SNX31: variants seen among roughly 807,000 people sequenced by gnomAD.
SNX31 encodes the protein sorting nexin-31.
A neutral mutation model predicts 65.4 loss-of-function variants in SNX31; 58 were observed. The ratio of observed to expected loss-of-function variants is 0.89; its 90% CI spans 0.72 to 1.10. SNX31 has a LOEUF of 1.10. Among genes scored for constraint, SNX31 ranks in the 50% least tolerant of loss-of-function variants. The pLI is 0.00. For synonymous variants in SNX31, 181 were observed against 190.1 expected (o/e 0.95, Z 0.39); for missense variants, 523 against 529.7 (o/e 0.99, Z 0.12).
intron 1 of SNX31, among the ~76,000 whole-genome samples, chr8:100,658,215 G>A (rs1820082783): frequency 6.6e-6 from 1 of 152,198 alleles, no homozygotes. Flanking sequence ...CAGCTCTGAA[G>A]ATTCTAAAGG....
intron 8 of SNX31, among the ~76,000 whole-genome samples, chr8:100,602,123 G>C (rs1180898882): frequency 1.3e-5 from 2 of 152,210 alleles, no homozygotes; most frequent in East Asian, 3.8e-4. Flanking sequence ...GTCTCAGTGT[G>C]CCTTGCCCAG....
intron 1 of SNX31, among the ~76,000 whole-genome samples, chr8:100,656,053 C>A (rs1227252572): frequency 6.6e-6 from 1 of 152,126 alleles, no homozygotes; most frequent in Non-Finnish European, 1.5e-5. Context: ...TCACAAAGTG[C>A]TTTAGTGTAT....
intron 2 of SNX31, among the ~76,000 whole-genome samples, chr8:100,641,276 C>T (rs1236747543): frequency 4.6e-5 from 7 of 151,744 alleles, no homozygotes; most frequent in African/African-American, 1.7e-4. Flanking sequence ...GTGGCTCACG[C>T]CTGTCATCTC....
chr8:100,658,021 A>T (rs1322438146), intron 1 of SNX31, among the ~76,000 whole-genome samples: 1 of 152,212 alleles, frequency 6.6e-6, no homozygotes, highest in East Asian at 1.9e-4. Context: ...AGTTCAGCCC[A>T]GCCTGGACTG....
chr8:100,608,687 C>T (rs1278274389), intron 7 of SNX31, 124 bp from the exon 8 acceptor site: 12 of 786,066 alleles, frequency 1.5e-5, no homozygotes, highest in Non-Finnish European at 2.6e-5. Context: ...AACAAAGCCA[C>T]ACCTCCACTT....
intron 8 of SNX31, 146 bp downstream of exon 8, chr8:100,608,348 A>T: frequency 1.5e-6 from 1 of 680,004 alleles, no homozygotes; most frequent in Non-Finnish European, 2.5e-6. Context: ...AGCCCCTGGT[A>T]ATCTCTGTTC....
chr8:100,577,213 CT>C, intron 12 of SNX31, 138 bp from the exon 13 acceptor site: 9 of 678,356 alleles, frequency 1.3e-5, no homozygotes, highest in Admixed American at 2.6e-5. Context: ...GGTACACCTG[CT>C]TGTCATCTGT....
intron 1 of SNX31, among the ~76,000 whole-genome samples, chr8:100,661,485 G>A (rs1050638948): frequency 9.9e-5 from 15 of 152,110 alleles, no homozygotes; most frequent in African/African-American, 4.8e-5. Flanking sequence ...TTCAGGTAGC[G>A]AACACCTGAG....
intron 4 of SNX31, 26 bp from the exon 5 acceptor site, chr8:100,617,756 A>G (rs1817345282): frequency 1.3e-6 from 2 of 1,559,844 alleles, no homozygotes; most frequent in African/African-American, 1.4e-5. Flanking sequence ...AAGCAAAATA[A>G]ATTTCCACAC....
At chr8:100,591,223 G>C (rs868760669) in intron 10 of SNX31, among the ~76,000 whole-genome samples, 52 of 152,196 alleles carry the variant, frequency 3.4e-4, no homozygotes, top group Non-Finnish European at 1.3e-4. Flanking sequence ...GATGGAAAGA[G>C]TTCATGTTCC....
chr8:100,586,621 C>A (rs1406694102), intron 11 of SNX31, among the ~76,000 whole-genome samples: 1 of 152,206 alleles, frequency 6.6e-6, no homozygotes, highest in Admixed American at 6.5e-5. Context: ...CTTAGCAAAC[C>A]AGTCTACTAT....
rs995938892 is a variant in SNX31, at chr8:100,573,811, C to T, written c.*54G>A. On this transcript the variant is annotated 3_prime_UTR_variant, in exon 14 of 14. Coordinates refer to ENST00000311812, the MANE Select transcript of SNX31 (RefSeq NM_152628.4). ...GGTAGCCCACCTGAATCCCCAAGTTCTTTCACTGTCTTGAGATAGCCTCCA... is the reference window on the plus strand; with the variant it reads ...GGTAGCCCACCTGAATCCCCAAGTTTTTTCACTGTCTTGAGATAGCCTCCA... The T allele has an allele frequency of 7.8e-7, 1 of 1,280,920 alleles. No individual in the cohort carries two copies. The highest frequency in any genetic ancestry group is 1.1e-6 in the Non-Finnish European group (1 of 924,386). The allele number at this position is 1,280,920 out of a possible 1,614,324, so 79.3% of individuals were successfully genotyped here. A position where few individuals can be genotyped will look rare whatever the true frequency, so the allele number is the denominator to read the frequency against.
At chr8:100,589,655 G>A (rs1373183448) in intron 10 of SNX31, among the ~76,000 whole-genome samples, 4 of 152,218 alleles carry the variant, frequency 2.6e-5, no homozygotes, top group Non-Finnish European at 5.9e-5. Context: ...CCTGAGGCAT[G>A]TTGGAGACAC....
intron 4 of SNX31, chr8:100,618,227 A>G: frequency 7.0e-7 from 1 of 1,437,494 alleles, no homozygotes; most frequent in Non-Finnish European, 9.3e-7. Context: ...GCAAAGGAGT[A>G]ACATGAAGCT....
In SNX31 at chr8:100,578,609, G is replaced by A. The variant is rs1307373694; in HGVS notation, c.1171-1534C>T. Among the ~76,000 whole-genome samples the A allele has an allele frequency of 6.6e-6, 1 of 152,090 alleles. No homozygotes were observed. Among genetic ancestry groups the A allele is most frequent in the Non-Finnish European group, 1.5e-5 (1 of 68,014 alleles). ...TTGTTGTAAAATCAATTGCTTTAAG[G>A]AGGTATGCATAAGACTTCCTTTAGG... On this transcript the variant is annotated intron_variant, in intron 12 of 13. Transcript: ENST00000311812. The surrounding 1 kb of genome is among the most constrained non-coding windows in gnomAD (Gnocchi z 4.7).
chr8:100,579,422 A>T (rs1813310539), intron 12 of SNX31, among the ~76,000 whole-genome samples: 1 of 152,182 alleles, frequency 6.6e-6, no homozygotes, highest in Admixed American at 6.5e-5. Flanking sequence ...TTCTGTTAAT[A>T]ACATAATCAC....
At chr8:100,628,848 GTA>G (rs1818235211) in intron 4 of SNX31, among the ~76,000 whole-genome samples, 1 of 145,012 alleles carries the variant, frequency 6.9e-6, no homozygotes, top group South Asian at 2.2e-4. Context: ...GTGTGTGTGT[GTA>G]GTCATGTACC....
At chr8:100,637,917 A>T (rs1210748629) in intron 2 of SNX31, among the ~76,000 whole-genome samples, 1 of 152,194 alleles carries the variant, frequency 6.6e-6, no homozygotes, top group Non-Finnish European at 1.5e-5. Flanking sequence ...GCTGGTCTCA[A>T]ACTCCTGACC....
rs553991056 is a variant in SNX31, at chr8:100,607,483, A to G, written c.681+1011T>C. 8.9e-4 allele frequency among the ~76,000 whole-genome samples: 135 copies of G among 152,358 alleles called. 1 individual carries two copies. The highest frequency in any genetic ancestry group is 3.1e-3 in the African/African-American group (129 of 41,588). On this transcript the variant is annotated intron_variant, in intron 8 of 13. Transcript: ENST00000311812. ...CTGGGGGTAGGAGTAGGTAGGGCCAACTACATAATTTTCAGGGTCTACCTA... is the reference window on the plus strand; with the variant it reads ...CTGGGGGTAGGAGTAGGTAGGGCCAGCTACATAATTTTCAGGGTCTACCTA...
Sources: gnomAD v4.1 joint callset for allele counts (sites outside exome capture counted in the v4.1 genomes callset) on GRCh38, gnomAD v4.1.1 for gene constraint, Gnocchi (gnomAD v3.1) non-coding constraint, MANE v1.5 for transcripts, NCBI Gene and HGNC (gene_info 2026-07-23, HGNC 2026-07-21) for gene names.